The following SLC26A8 variants were observed in gnomAD, a reference collection of about 807,000 sequenced individuals.
SLC26A8 encodes testis anion transporter 1.
A neutral mutation model predicts 105.0 loss-of-function variants in SLC26A8; 70 were observed. The ratio of observed to expected loss-of-function variants is 0.67; its 90% CI spans 0.55 to 0.81. The LOEUF is 0.81. SLC26A8 is among the 40% of genes least tolerant of loss of function. The pLI is 0.00. For missense variants in SLC26A8, 998 were observed against 1,181.8 expected, an observed-to-expected ratio of 0.84 and a Z score of 2.28; for synonymous variants, 415 against 438.3, an observed-to-expected ratio of 0.95 and a Z score of 0.66.
At chr6:35,962,243 G>T (rs1052001686) in intron 12 of SLC26A8, among the ~76,000 whole-genome samples, 1 of 147,916 alleles carries the variant, frequency 6.8e-6, no homozygotes, top group Admixed American at 6.7e-5. Context: ...AAAAAAAAAA[G>T]TTATCCAAAT....
chr6:35,994,750 A>G (rs2127351946), intron 5 of SLC26A8, among the ~76,000 whole-genome samples: 1 of 151,796 alleles, frequency 6.6e-6, no homozygotes, highest in South Asian at 2.1e-4. Context: ...TAATTTTTGT[A>G]TTTTTAAGTA....
chr6:35,998,564 A>AAAAG, intron 4 of SLC26A8, among the ~76,000 whole-genome samples: 1 of 151,972 alleles, frequency 6.6e-6, no homozygotes, highest in South Asian at 2.1e-4. Flanking sequence ...TCAAAAAAAA[A>AAAAG]AAAAGAAAAG....
At chr6:35,990,338 GA>G in intron 7 of SLC26A8, 1 of 289,862 alleles carries the variant, frequency 3.4e-6, no homozygotes. Flanking sequence ...GGTTCTTATT[GA>G]ACAAGATGTT....
chr6:35,955,648 G>T, intron 16 of SLC26A8, 128 bp from the exon 17 acceptor site: 1 of 1,212,920 alleles, frequency 8.2e-7, no homozygotes, highest in Non-Finnish European at 1.1e-6. Context: ...CCGAGAGTAG[G>T]TACTGTGCAT....
intron 11 of SLC26A8, 65 bp from the exon 12 acceptor site, chr6:35,962,686 C>A: frequency 6.8e-7 from 1 of 1,476,588 alleles, no homozygotes; most frequent in Non-Finnish European, 9.4e-7. Flanking sequence ...AAATCCCCAC[C>A]AAGGAATCAC....
intron 7 of SLC26A8, among the ~76,000 whole-genome samples, chr6:35,985,191 A>T (rs928268765): frequency 2.6e-5 from 4 of 152,114 alleles, no homozygotes; most frequent in African/African-American, 9.7e-5. Context: ...TAAATCTTAC[A>T]GGTATTGATT....
intron 11 of SLC26A8, among the ~76,000 whole-genome samples, chr6:35,967,553 A>G (rs1180753093): frequency 6.6e-6 from 1 of 152,214 alleles, no homozygotes; most frequent in Non-Finnish European, 1.5e-5. Flanking sequence ...TTGTATATAG[A>G]GGCATGCTGG....
chr6:36,001,383 C>G (rs1325795051), intron 3 of SLC26A8, among the ~76,000 whole-genome samples: 1 of 152,210 alleles, frequency 6.6e-6, no homozygotes. Context: ...CCGCCTCGGC[C>G]TCCCAAAGTG....
At chr6:36,007,884 G>T (rs1761735574) in intron 3 of SLC26A8, among the ~76,000 whole-genome samples, 1 of 152,102 alleles carries the variant, frequency 6.6e-6, no homozygotes, top group South Asian at 2.1e-4. Flanking sequence ...ACTTTGGGAG[G>T]CCAAGGCGGG....
chr6:35,951,099 T>G, intron 19 of SLC26A8, 64 bp downstream of exon 19: 153 of 403,928 alleles, frequency 3.8e-4, no homozygotes, highest in Non-Finnish European at 5.7e-4. Flanking sequence ...CAACCACCCC[T>G]CACCCATCCC....
chr6:36,023,917 T>G (rs898569556), intron 1 of SLC26A8, among the ~76,000 whole-genome samples: 1 of 152,114 alleles, frequency 6.6e-6, no homozygotes, highest in Admixed American at 6.6e-5. Flanking sequence ...CGGATGACCA[T>G]TGGACACATA....
Position 35,992,522 on chromosome 6 carries a change from G to A in SLC26A8, c.780C>T (p.Ile260=). The A allele has an allele frequency of 6.2e-7, 1 of 1,612,454 alleles. No individual in the cohort carries two copies. Among genetic ancestry groups the A allele is most frequent in the South Asian group, 1.1e-5 (1 of 90,776 alleles). Residue 260 remains isoleucine (I), a synonymous_variant, in exon 6 of 20, where the codon ATC becomes ATT. Coordinates refer to ENST00000490799, the MANE Select transcript of SLC26A8 (RefSeq NM_052961.4). ...GIMISFHAGP[I]SFFYDIINYC... ...TGAAATTACTCACATAGAAGAAGGA[G>A]ATGGGACCGGCATGGAAACTAATCA...
At position 35,961,024 on chromosome 6, in the gene SLC26A8, C is replaced by T. The variant is rs1297427205; in HGVS notation, c.1537G>A (p.Ala513Thr). Residue 513 changes from alanine (A) to threonine (T), a missense_variant, in exon 13 of 20, where the codon GCT (alanine) becomes ACT (threonine). Physicochemically the swap from Ala to Thr is moderately conservative, Grantham distance 58. Coordinates refer to ENST00000490799, the MANE Select transcript of SLC26A8 (RefSeq NM_052961.4). ...DIGLIISVVS[A>T]FFITTVRSHR... Reference sequence around the variant, plus strand: ...GAACGAACAGTGGTGATGAAGAAAGCAGAAACTACTGAGATAATTAGTCCA... The same window carrying T: ...GAACGAACAGTGGTGATGAAGAAAGTAGAAACTACTGAGATAATTAGTCCA... The T allele has an allele frequency of 6.2e-7, 1 of 1,613,946 alleles. No homozygotes were observed. The highest frequency in any genetic ancestry group is 8.5e-7 in the Non-Finnish European group (1 of 1,180,024).
chr6:35,959,832 G>A lies in SLC26A8; in HGVS notation c.1639-26C>T. ...CTGCAAGACAAAATGTGAAGTTGAG[G>A]GAAATTTCTCAGTTATTTTATGGAA... is the stretch of plus-strand genomic sequence containing the variant. On this transcript the variant is annotated intron_variant, in intron 14 of 19. Coordinates refer to ENST00000490799, the MANE Select transcript of SLC26A8 (RefSeq NM_052961.4). The A allele has an allele frequency of 2.2e-6, 3 of 1,362,340 alleles. No individual in the cohort carries two copies. In the South Asian group the frequency reaches 3.7e-5, roughly 17 times the overall value. The allele number at this position is 1,362,340 out of a possible 1,614,324, so 84.4% of individuals were successfully genotyped here.
At chr6:36,007,264 A>C (rs1761714636) in intron 3 of SLC26A8, among the ~76,000 whole-genome samples, 1 of 152,206 alleles carries the variant, frequency 6.6e-6, no homozygotes, top group Admixed American at 6.5e-5. Context: ...TCTTAGAACT[A>C]ATAAAGGAGT....
At chr6:35,974,906 GTTTT>G (rs77148160) in intron 10 of SLC26A8, among the ~76,000 whole-genome samples, 8 of 141,102 alleles carry the variant, frequency 5.7e-5, no homozygotes, top group Non-Finnish European at 1.2e-4. Context: ...CCAGCTAATT[GTTTT>G]TTTTTTTTTC....
chr6:36,016,562 G>A (rs772209352), intron 2 of SLC26A8, among the ~76,000 whole-genome samples: 22 of 152,074 alleles, frequency 1.4e-4, no homozygotes, highest in Non-Finnish European at 2.5e-4. Context: ...TGAAATTATG[G>A]TAGTTATTAG....
chr6:35,944,215 T>C lies in SLC26A8; in HGVS notation c.2598A>G (p.Ser866=), dbSNP rs1248205112. 1 of 1,614,056 alleles carries C rather than the reference T, an allele frequency of 6.2e-7. No homozygotes were observed. Among genetic ancestry groups the C allele is most frequent in the South Asian group, 1.1e-5 (1 of 91,080 alleles). Residue 866 remains serine, a synonymous_variant, in exon 20 of 20, where the codon TCA becomes TCG. Transcript: ENST00000490799. The part of the protein sequence containing the change: ...EESELDLELE[S]EQEAGLGLDL... ...CCAGACCCAGCCCAGCCTCTTGTTCTGATTCCAGCTCCAAATCCAACTCCG... is the reference window on the plus strand; with the variant it reads ...CCAGACCCAGCCCAGCCTCTTGTTCCGATTCCAGCTCCAAATCCAACTCCG...
intron 3 of SLC26A8, among the ~76,000 whole-genome samples, chr6:36,011,735 GTAAC>G (rs138005971): frequency 1.1e-3 from 164 of 152,224 alleles, no homozygotes; most frequent in African/African-American, 3.6e-3. Flanking sequence ...GGCCTCCAGA[GTAAC>G]TAAGACTACA....
Sources: gnomAD v4.1 joint callset for allele counts (sites outside exome capture counted in the v4.1 genomes callset) on GRCh38, gnomAD v4.1.1 for gene constraint, MANE v1.5 for transcripts, NCBI Gene and HGNC (gene_info 2026-07-23, HGNC 2026-07-21) for gene names.